Variants in WDR70 observed in about 807,000 individuals in gnomAD.
WDR70 encodes the protein WD repeat domain 70, also known as WD repeat-containing protein 70.
WDR70 carries 53 observed loss-of-function variants against 88.6 expected under a neutral mutation model. That is an observed-to-expected ratio of 0.60 (90% CI 0.48 to 0.75). The LOEUF is 0.75. WDR70 is among the 30% of genes least tolerant of loss of function. WDR70 has a pLI of 0.00. For synonymous variants in WDR70, 280 were observed against 270.0 expected (o/e 1.04, Z -0.36); for missense variants, 610 against 823.2 (o/e 0.74, Z 3.17).
chr5:37,707,502 A>G (rs1171408646), intron 13 of WDR70, among the ~76,000 whole-genome samples: 1 of 152,204 alleles, frequency 6.6e-6, no homozygotes, highest in African/African-American at 2.4e-5. Flanking sequence ...AAAAAACTAA[A>G]CCTTTATTTT....
At chr5:37,628,359 G>C (rs930370264) in intron 10 of WDR70, among the ~76,000 whole-genome samples, 3 of 152,134 alleles carry the variant, frequency 2.0e-5, no homozygotes, top group Admixed American at 6.6e-5. Context: ...TCTCCCTTTA[G>C]ATCTAATAAT....
intron 7 of WDR70, among the ~76,000 whole-genome samples, chr5:37,461,450 C>T (rs1363561937): frequency 6.6e-6 from 1 of 151,932 alleles, no homozygotes; most frequent in Non-Finnish European, 1.5e-5. Flanking sequence ...GGGAGTCTCT[C>T]CTCTATGTGA....
chr5:37,607,652 A>G (rs148453437), intron 10 of WDR70, among the ~76,000 whole-genome samples: 12 of 152,304 alleles, frequency 7.9e-5, no homozygotes, highest in Non-Finnish European at 1.5e-4. Context: ...TCTCAATCAC[A>G]CTGGACACTT....
intron 13 of WDR70, among the ~76,000 whole-genome samples, chr5:37,720,260 CT>C (rs1747768728): frequency 1.3e-5 from 2 of 152,172 alleles, no homozygotes; most frequent in African/African-American, 4.8e-5. Context: ...AATGCTTCCA[CT>C]CATATCTTGT....
chr5:37,725,682 T>G (rs1747950072), intron 16 of WDR70, among the ~76,000 whole-genome samples: 2 of 152,150 alleles, frequency 1.3e-5, no homozygotes, highest in South Asian at 4.2e-4. Flanking sequence ...TTTTTTCATT[T>G]TTTTCTAACA....
At chr5:37,654,380 G>T (rs1207211013) in intron 10 of WDR70, among the ~76,000 whole-genome samples, 1 of 152,188 alleles carries the variant, frequency 6.6e-6, no homozygotes, top group East Asian at 1.9e-4. Context: ...GTCAATTTTA[G>T]AATAAGTGCG....
intron 10 of WDR70, among the ~76,000 whole-genome samples, chr5:37,637,108 G>A (rs756326889): frequency 1.3e-5 from 2 of 151,980 alleles, no homozygotes; most frequent in Admixed American, 1.3e-4. Flanking sequence ...TTGGGAGGCC[G>A]AAGTGGGCGT....
intron 8 of WDR70, among the ~76,000 whole-genome samples, chr5:37,497,799 T>A (rs1740275465): frequency 6.6e-6 from 1 of 151,294 alleles, no homozygotes; most frequent in African/African-American, 2.4e-5. Context: ...GTTGCACAGA[T>A]TTTTTTTTGT....
At chr5:37,661,502 C>G (rs148611000) in intron 10 of WDR70, among the ~76,000 whole-genome samples, 1 of 152,176 alleles carries the variant, frequency 6.6e-6, no homozygotes, top group African/African-American at 2.4e-5. Flanking sequence ...AGAGGAATTG[C>G]AATGGAGAAA....
chr5:37,486,304 A>G (rs1034590289), intron 8 of WDR70, among the ~76,000 whole-genome samples: 4 of 151,980 alleles, frequency 2.6e-5, no homozygotes, highest in African/African-American at 9.7e-5. Flanking sequence ...TTGTTATTGA[A>G]TGCCCAGTAT....
chr5:37,649,800 C>G (rs1468303096), intron 10 of WDR70, among the ~76,000 whole-genome samples: 1 of 116,082 alleles, frequency 8.6e-6, no homozygotes, highest in Non-Finnish European at 1.6e-5. Flanking sequence ...TGCAGTGGCG[C>G]GATCTCGGCT....
intron 8 of WDR70, among the ~76,000 whole-genome samples, chr5:37,513,319 G>A (rs182506415): frequency 6.6e-6 from 1 of 152,288 alleles, no homozygotes; most frequent in Admixed American, 6.5e-5. Flanking sequence ...GAAATAATGA[G>A]AAGGAGCCAG....
At chr5:37,637,029 G>A (rs1249160429) in intron 10 of WDR70, among the ~76,000 whole-genome samples, 1 of 152,064 alleles carries the variant, frequency 6.6e-6, no homozygotes, top group Admixed American at 6.6e-5. Flanking sequence ...TTTTTGGTAA[G>A]TCTAAAATTG....
intron 13 of WDR70, among the ~76,000 whole-genome samples, chr5:37,716,816 AT>A (rs1251612648): frequency 6.6e-6 from 1 of 152,162 alleles, no homozygotes; most frequent in Admixed American, 6.6e-5. Context: ...AGTAAACAAA[AT>A]AACCACAGAA....
chr5:37,649,837 A>C (rs1370338290), intron 10 of WDR70, among the ~76,000 whole-genome samples: 1 of 128,236 alleles, frequency 7.8e-6, no homozygotes, highest in African/African-American at 3.1e-5. Flanking sequence ...TCCCGGGTTC[A>C]CGCCATTCTC....
chr5:37,707,503 C>A (rs1349588402), intron 13 of WDR70, among the ~76,000 whole-genome samples: 1 of 152,092 alleles, frequency 6.6e-6, no homozygotes, highest in Non-Finnish European at 1.5e-5. Context: ...AAAAACTAAA[C>A]CTTTATTTTT....
In WDR70 at chr5:37,393,770, T is replaced by C. The variant is rs962775442; in HGVS notation, c.296+1650T>C. Among the ~76,000 whole-genome samples the C allele has an allele frequency of 2.6e-5, 4 of 152,064 alleles. No individual in the cohort carries two copies. The East Asian group carries it at 7.7e-4, about 29-fold the overall frequency. On this transcript the variant is annotated intron_variant, in intron 4 of 17. Coordinates refer to ENST00000265107, the MANE Select transcript of WDR70 (RefSeq NM_018034.4). The stretch of plus-strand genomic sequence containing the variant: ...TTCTTAACTCACTGCAACCTTCGCC[T>C]CCCAGACTCAAGTGATCCTCCCACC...
intron 5 of WDR70, among the ~76,000 whole-genome samples, chr5:37,431,965 A>G (rs909949258): frequency 4.6e-5 from 7 of 152,226 alleles, no homozygotes; most frequent in Non-Finnish European, 8.8e-5. Flanking sequence ...ATCAGTGGAT[A>G]CTTGGGTTGC....
chr5:37,435,925 G>A (rs1750452133), intron 5 of WDR70, among the ~76,000 whole-genome samples: 2 of 151,730 alleles, frequency 1.3e-5, no homozygotes, highest in Non-Finnish European at 2.9e-5. Context: ...ATCCAGAGAT[G>A]ATAAATAGAT....
Sources: allele counts gnomAD v4.1 joint callset (sites outside exome capture counted in the v4.1 genomes callset), GRCh38; gene constraint gnomAD v4.1.1; transcripts MANE v1.5; gene names NCBI Gene and HGNC (gene_info 2026-07-23, HGNC 2026-07-21).